Variants in CRYBG1 observed in about 807,000 individuals in gnomAD.
CRYBG1 encodes beta/gamma crystallin domain-containing protein 1.
CRYBG1 carries 139 observed loss-of-function variants against 189.2 expected under a neutral mutation model. The ratio of observed to expected loss-of-function variants is 0.73; its 90% CI spans 0.64 to 0.85. The LOEUF (loss-of-function observed/expected upper bound fraction) is 0.85, where lower values mean the gene tolerates loss of function less well. CRYBG1 is among the 40% of genes least tolerant of loss of function. The pLI is 0.00. For synonymous variants in CRYBG1, 1,023 were observed against 1,017.1 expected (o/e 1.01, Z -0.11); for missense variants, 2,611 against 2,675.8 (o/e 0.98, Z 0.53).
At chr6:106,553,017 C>A (rs1163784840) in intron 15 of CRYBG1, among the ~76,000 whole-genome samples, 1 of 152,190 alleles carries the variant, frequency 6.6e-6, no homozygotes, top group African/African-American at 2.4e-5. Context: ...ACAAACACCA[C>A]TATAGCCTCC....
chr6:106,421,349 G>T (rs1274641898), intron 1 of CRYBG1, among the ~76,000 whole-genome samples: 1 of 152,200 alleles, frequency 6.6e-6, no homozygotes, highest in Non-Finnish European at 1.5e-5. Flanking sequence ...AAGGTTTCAA[G>T]TCTGGGTGAT....
chr6:106,529,172 C>G (rs1773819261), intron 7 of CRYBG1, among the ~76,000 whole-genome samples: 1 of 152,174 alleles, frequency 6.6e-6, no homozygotes, highest in South Asian at 2.1e-4. Context: ...TCTCGAACGC[C>G]TGACCTCAGG....
At chr6:106,561,527 T>G in intron 20 of CRYBG1, 27 bp downstream of exon 20, 1 of 1,596,016 alleles carries the variant, frequency 6.3e-7, no homozygotes, top group Non-Finnish European at 8.6e-7. Flanking sequence ...CACGGGGGCC[T>G]GTGATGGCTT....
chr6:106,571,703 G>T lies in CRYBG1; in HGVS notation c.*3137G>T. The T allele has an allele frequency of 3.3e-6, 1 of 304,886 alleles. No individual in the cohort carries two copies. Among genetic ancestry groups the T allele is most frequent in the Non-Finnish European group, 6.2e-6 (1 of 160,884 alleles). 18.9% of individuals were successfully genotyped at this position (304,886 alleles called of 1,614,324 possible). ...GAGACCCTGTCTCTAAAACAAAAAAGACAATAAAGTAGTTTAAGCTAGTAA... is the reference window on the plus strand; with the variant it reads ...GAGACCCTGTCTCTAAAACAAAAAATACAATAAAGTAGTTTAAGCTAGTAA... On this transcript the variant is annotated 3_prime_UTR_variant, in exon 22 of 22. Coordinates refer to ENST00000633556, the MANE Select transcript of CRYBG1 (RefSeq NM_001371242.2).
intron 1 of CRYBG1, among the ~76,000 whole-genome samples, chr6:106,368,406 A>G (rs1209796262): frequency 6.6e-6 from 1 of 152,184 alleles, no homozygotes; most frequent in African/African-American, 2.4e-5. Context: ...ACATGAGAAG[A>G]TCGTTTGAAG....
intron 8 of CRYBG1, among the ~76,000 whole-genome samples, chr6:106,535,104 A>C (rs1773969952): frequency 6.6e-6 from 1 of 152,182 alleles, no homozygotes; most frequent in South Asian, 2.1e-4. Context: ...TATATATGTG[A>C]ACTATGAAGC....
In CRYBG1 at chr6:106,512,424, A is replaced by C; in HGVS notation, c.1307A>C (p.Glu436Ala). The part of the protein sequence containing the change: ...KSTDSPGADA[E>A]LPESAARDDA... ...ACCGACTCCCCCGGCGCGGACGCCG[A>C]GCTCCCTGAGAGCGCTGCCAGGGAC... is the stretch of plus-strand genomic sequence containing the variant. Residue 436 changes from glutamate to alanine, a missense_variant, in exon 3 of 22, where the codon GAG (glutamate) becomes GCG (alanine). Coordinates refer to ENST00000633556, the MANE Select transcript of CRYBG1 (RefSeq NM_001371242.2). 6.2e-7 allele frequency: 1 copy of C among 1,609,178 alleles called. No individual in the cohort carries two copies. Among genetic ancestry groups the C allele is most frequent in the Non-Finnish European group, 8.5e-7 (1 of 1,178,480 alleles).
intron 1 of CRYBG1, among the ~76,000 whole-genome samples, chr6:106,422,264 C>G (rs1186672267): frequency 1.3e-5 from 2 of 152,078 alleles, no homozygotes; most frequent in African/African-American, 2.4e-5. Context: ...TTGTTAAATT[C>G]TTGAGTGCAG....
intron 3 of CRYBG1, among the ~76,000 whole-genome samples, chr6:106,518,422 G>T (rs2114535702): frequency 6.6e-6 from 1 of 152,322 alleles, no homozygotes; most frequent in African/African-American, 2.4e-5. Context: ...ATACATAATT[G>T]ATGTTGGAGC....
chr6:106,439,754 T>A, intron 1 of CRYBG1, among the ~76,000 whole-genome samples: 1 of 151,100 alleles, frequency 6.6e-6, no homozygotes. Flanking sequence ...AAAAAGCATT[T>A]GTTTTATACC....
intron 2 of CRYBG1, among the ~76,000 whole-genome samples, chr6:106,476,465 A>G (rs755869667): frequency 5.9e-5 from 9 of 152,174 alleles, no homozygotes; most frequent in Non-Finnish European, 1.2e-4. Flanking sequence ...AAGACCATTT[A>G]ATGGAATAGA....
At position 106,519,122 on chromosome 6, in the gene CRYBG1, T is replaced by C; in HGVS notation, c.1923-9T>C. 6.3e-7 allele frequency: 1 copy of C among 1,591,166 alleles called. No homozygotes were observed. Among genetic ancestry groups the C allele is most frequent in the Non-Finnish European group, 8.5e-7 (1 of 1,170,496 alleles). ...TCAATAACTTTATCTTCCTGCTTTT[T>C]CCTCACAGCCCTGCCAAGCCCAAAC... On this transcript the variant is annotated splice_polypyrimidine_tract_variant and intron_variant, in intron 3 of 21. Transcript: ENST00000633556.
In CRYBG1 at chr6:106,561,321, GC is replaced by G; in HGVS notation, c.5980-20del. ...CAGCAGCACATCTGGTATAACAACT[GC>G]TGGGGGTTTTGTCTTCTAGAAGCGA... is the stretch of plus-strand genomic sequence containing the variant. On this transcript the variant is annotated intron_variant, in intron 19 of 21. Transcript: ENST00000633556. 1 of 1,611,678 alleles carries G rather than the reference GC, an allele frequency of 6.2e-7. No homozygotes were observed. The highest frequency in any genetic ancestry group is 8.5e-7 in the Non-Finnish European group (1 of 1,178,786).
At chr6:106,412,369 G>A (rs1173393298) in intron 1 of CRYBG1, among the ~76,000 whole-genome samples, 1 of 152,144 alleles carries the variant, frequency 6.6e-6, no homozygotes, top group Non-Finnish European at 1.5e-5. Context: ...GTGTAATTAT[G>A]TATTTTAAAT....
chr6:106,367,948 T>C (rs922726933), intron 1 of CRYBG1, among the ~76,000 whole-genome samples: 1 of 152,158 alleles, frequency 6.6e-6, no homozygotes, highest in African/African-American at 2.4e-5. Flanking sequence ...AGACCTTGTC[T>C]CTAAAATAAT....
Position 106,454,221 on chromosome 6 carries a change from A to G in CRYBG1, c.312+2389A>G, listed in dbSNP as rs550677409. On this transcript the variant is annotated intron_variant, in intron 2 of 21. Coordinates refer to ENST00000633556, the MANE Select transcript of CRYBG1 (RefSeq NM_001371242.2). ...CTTAATCTTTCTCACTCTGCATATCATACCAGGGCCGGGAGGAGGCAAGAG... is the reference window on the plus strand; with the variant it reads ...CTTAATCTTTCTCACTCTGCATATCGTACCAGGGCCGGGAGGAGGCAAGAG... Among the ~76,000 whole-genome samples, 38 of 152,144 alleles carry G rather than the reference A, an allele frequency of 2.5e-4. No individual in the cohort carries two copies. The East Asian group carries it at 4.6e-3, about 19-fold the overall frequency.
chr6:106,484,596 A>G (rs886875124), intron 2 of CRYBG1, among the ~76,000 whole-genome samples: 1 of 152,180 alleles, frequency 6.6e-6, no homozygotes, highest in Non-Finnish European at 1.5e-5. Context: ...TGGGGATTAC[A>G]GGTGTGAGCC....
intron 1 of CRYBG1, among the ~76,000 whole-genome samples, chr6:106,394,129 G>T (rs1015302063): frequency 6.6e-6 from 1 of 152,210 alleles, no homozygotes; most frequent in Non-Finnish European, 1.5e-5. Flanking sequence ...TATCTAGGCT[G>T]CAAAGCTTTA....
chr6:106,390,986 A>G (rs950497421), intron 1 of CRYBG1, among the ~76,000 whole-genome samples: 1 of 152,222 alleles, frequency 6.6e-6, no homozygotes, highest in African/African-American at 2.4e-5. Flanking sequence ...TTCATTTAGT[A>G]CATACTTTCA....
Sources: gnomAD v4.1 joint callset for allele counts (sites outside exome capture counted in the v4.1 genomes callset) on GRCh38, gnomAD v4.1.1 for gene constraint, MANE v1.5 for transcripts, NCBI Gene and HGNC (gene_info 2026-07-23, HGNC 2026-07-21) for gene names.